MAN1A1: variants seen among roughly 807,000 people sequenced by gnomAD.
The protein encoded by MAN1A1 is mannosidase alpha class 1A member 1, also known as mannosyl-oligosaccharide 1,2-alpha-mannosidase IA.
In MAN1A1, 29 loss-of-function variants were observed where a neutral mutation model predicts 70.8. That is an observed-to-expected ratio of 0.41 (90% CI 0.31 to 0.56). The LOEUF is 0.56. MAN1A1 is among the 20% of genes least tolerant of loss of function. MAN1A1 has a pLI of 0.29. For synonymous variants in MAN1A1, 349 were observed against 330.1 expected (o/e 1.06, Z -0.62); for missense variants, 747 against 841.3 (o/e 0.89, Z 1.39).
At chr6:119,261,258 C>T (rs907991586) in intron 5 of MAN1A1, among the ~76,000 whole-genome samples, 5 of 152,132 alleles carry the variant, frequency 3.3e-5, no homozygotes, top group African/African-American at 4.8e-5. Flanking sequence ...GGATTACAGG[C>T]GTGAGCCACT....
intron 2 of MAN1A1, among the ~76,000 whole-genome samples, chr6:119,336,619 A>C (rs1773458262): frequency 6.6e-6 from 1 of 152,340 alleles, no homozygotes; most frequent in East Asian, 1.9e-4. Context: ...AACAATATGA[A>C]ATTGGGAAAT....
At chr6:119,200,323 A>G (rs1385588699) in intron 8 of MAN1A1, among the ~76,000 whole-genome samples, 1 of 152,176 alleles carries the variant, frequency 6.6e-6, no homozygotes, top group African/African-American at 2.4e-5. Flanking sequence ...GACCACACTT[A>G]GGTAAGTGGT....
chr6:119,221,564 C>T (rs1774361617), intron 6 of MAN1A1, among the ~76,000 whole-genome samples: 1 of 151,150 alleles, frequency 6.6e-6, no homozygotes, highest in African/African-American at 2.4e-5. Context: ...CCTCTGCCTC[C>T]TGGGTTCAAG....
chr6:119,181,910 T>G (rs568559000), intron 11 of MAN1A1, among the ~76,000 whole-genome samples: 231 of 152,340 alleles, frequency 1.5e-3, no homozygotes, highest in African/African-American at 4.6e-3. Flanking sequence ...TTAGGATTGC[T>G]GGATCATATG....
intron 2 of MAN1A1, among the ~76,000 whole-genome samples, chr6:119,345,895 G>C (rs1436145509): frequency 6.6e-6 from 1 of 152,128 alleles, no homozygotes; most frequent in Non-Finnish European, 1.5e-5. Context: ...ATCACTTGAG[G>C]TCAAGTTCGT....
In MAN1A1 at chr6:119,188,453, T is replaced by A; in HGVS notation, c.1671A>T (p.Arg557Ser). The change falls in exon 11 of 13, where the codon AGA (arginine) becomes AGT (serine). Residue 557 changes from arginine (R) to serine (S), a missense_variant. By Grantham distance (110) the Arg-to-Ser change is moderately radical (BLOSUM62 -1). This residue lies in a region of MAN1A1 where 419 missense variants were observed against 548.2 expected (regional missense o/e 0.76). Transcript: ENST00000368468. Reference sequence around the variant, plus strand: ...TCCTGTACTTTGGATCATGAGTCAGTCTCCACATATACATGTAAGTCTCCA... The same window carrying A: ...TCCTGTACTTTGGATCATGAGTCAGACTCCACATATACATGTAAGTCTCCA... Reference protein sequence around the residue: ...EVMETYMYMWRLTHDPKYRKW... With the variant: ...EVMETYMYMWSLTHDPKYRKW... 1 of 1,613,606 alleles carries A rather than the reference T, an allele frequency of 6.2e-7. No individual in the cohort carries two copies. Among genetic ancestry groups the A allele is most frequent in the Non-Finnish European group, 8.5e-7 (1 of 1,179,748 alleles).
chr6:119,214,004 A>AG (rs1774125314), intron 6 of MAN1A1, among the ~76,000 whole-genome samples: 1 of 152,148 alleles, frequency 6.6e-6, no homozygotes, highest in African/African-American at 2.4e-5. Context: ...TTGCTCTGTC[A>AG]GCCAGGCTGG....
At chr6:119,325,607 A>G (rs1490958975) in intron 2 of MAN1A1, among the ~76,000 whole-genome samples, 2 of 152,136 alleles carry the variant, frequency 1.3e-5, no homozygotes, top group African/African-American at 4.8e-5. Flanking sequence ...CAGTGAGTTG[A>G]GATTGCACCA....
chr6:119,225,184 T>C (rs1017910855), intron 6 of MAN1A1, among the ~76,000 whole-genome samples: 3 of 152,012 alleles, frequency 2.0e-5, no homozygotes, highest in Non-Finnish European at 4.4e-5. Context: ...TCAGAAAAGA[T>C]TAAATATAAA....
Position 119,349,558 on chromosome 6 carries a change from C to A in MAN1A1, c.-239G>T, listed in dbSNP as rs1773844975. ...GCAGCGCACCTCTGGGCAGGAGGGG[C>A]GCAGCGTGGGCGGGAGACTCGTCAA... On this transcript the variant is annotated 5_prime_UTR_variant, in exon 1 of 13. Coordinates refer to ENST00000368468, the MANE Select transcript of MAN1A1 (RefSeq NM_005907.4). 1.0e-6 allele frequency: 1 copy of A among 986,096 alleles called. No homozygotes were observed. Among genetic ancestry groups the A allele is most frequent in the Non-Finnish European group, 1.2e-6 (1 of 830,158 alleles). 61.1% of individuals were successfully genotyped at this position (986,096 alleles called of 1,614,324 possible).
chr6:119,319,381 AATAATAATAATC>A (rs1169876482), intron 2 of MAN1A1, among the ~76,000 whole-genome samples: 2 of 145,308 alleles, frequency 1.4e-5, no homozygotes, highest in East Asian at 4.1e-4. Flanking sequence ...TAATAATAAT[AATAATAATAATC>A]ATCATCATCA....
chr6:119,298,020 C>T (rs1188181366), intron 4 of MAN1A1, among the ~76,000 whole-genome samples: 1 of 152,096 alleles, frequency 6.6e-6, no homozygotes, highest in Non-Finnish European at 1.5e-5. Flanking sequence ...TCTCTGACTA[C>T]TTTTCCTGCT....
At chr6:119,340,418 T>C (rs1027561134) in intron 2 of MAN1A1, among the ~76,000 whole-genome samples, 1 of 152,148 alleles carries the variant, frequency 6.6e-6, no homozygotes, top group Non-Finnish European at 1.5e-5. Context: ...GATCATCCTG[T>C]CACTTAGAAG....
chr6:119,204,665 T>C, intron 7 of MAN1A1, 94 bp downstream of exon 7: 1 of 1,474,052 alleles, frequency 6.8e-7, no homozygotes, highest in Admixed American at 2.1e-5. Flanking sequence ...ATTTGGTTAT[T>C]ATTTCCACTT....
chr6:119,312,811 G>C (rs1386815716), intron 2 of MAN1A1, among the ~76,000 whole-genome samples: 1 of 152,226 alleles, frequency 6.6e-6, no homozygotes, highest in Non-Finnish European at 1.5e-5. Flanking sequence ...GGTTGTGCCT[G>C]TGTGGGGACA....
chr6:119,185,755 A>G (rs1399191040), intron 11 of MAN1A1, among the ~76,000 whole-genome samples: 1 of 149,138 alleles, frequency 6.7e-6, no homozygotes, highest in African/African-American at 2.5e-5. Flanking sequence ...TTTTTTTTGT[A>G]CTTTTAGTAG....
At position 119,180,302 on chromosome 6, in the gene MAN1A1, T is replaced by C; in HGVS notation, c.1835+10A>G. 6.3e-7 allele frequency: 1 copy of C among 1,594,474 alleles called. No individual in the cohort carries two copies. Among genetic ancestry groups the C allele is most frequent in the South Asian group, 1.1e-5 (1 of 90,230 alleles). ...CTTAGCCACATGGTTTTAGAATAATTTTCACCTACTTCAATGTCTCTGCCA... is the reference window on the plus strand; with the variant it reads ...CTTAGCCACATGGTTTTAGAATAATCTTCACCTACTTCAATGTCTCTGCCA... On this transcript the variant is annotated intron_variant, in intron 12 of 12. Transcript: ENST00000368468.
intron 5 of MAN1A1, among the ~76,000 whole-genome samples, chr6:119,262,615 C>A (rs11153801): frequency 0.74 from 112,993 of 152,090 alleles, 42,328 homozygotes; most frequent in Non-Finnish European, 0.8. Flanking sequence ...CTCAACCCAG[C>A]AATCCCAGTA....
At chr6:119,314,665 C>T (rs1772803347) in intron 2 of MAN1A1, among the ~76,000 whole-genome samples, 1 of 152,136 alleles carries the variant, frequency 6.6e-6, no homozygotes, top group African/African-American at 2.4e-5. Context: ...CCCTCCTGCT[C>T]CTCCATGCAC....
Sources: allele counts gnomAD v4.1 joint callset (sites outside exome capture counted in the v4.1 genomes callset), GRCh38; gene constraint gnomAD v4.1.1; regional missense constraint gnomAD v4.1.1; transcripts MANE v1.5; gene names NCBI Gene and HGNC (gene_info 2026-07-23, HGNC 2026-07-21).